Variants in KIAA1671 observed in about 807,000 individuals in gnomAD.
KIAA1671 encodes the protein KIAA1671.
In KIAA1671, 52 loss-of-function variants were observed where a neutral mutation model predicts 131.2. The ratio of observed to expected loss-of-function variants is 0.40; its 90% CI spans 0.32 to 0.50. KIAA1671 has a LOEUF of 0.50. KIAA1671 is among the 20% of genes least tolerant of loss of function. KIAA1671 has a pLI of 0.73. For missense variants in KIAA1671, 2,360 were observed against 2,364.2 expected, an observed-to-expected ratio of 1.00 and a Z score of 0.04; for synonymous variants, 1,003 against 961.6, an observed-to-expected ratio of 1.04 and a Z score of -0.80.
intron 6 of KIAA1671, among the ~76,000 whole-genome samples, chr22:25,068,070 G>A (rs977957060): frequency 7.2e-5 from 11 of 152,244 alleles, no homozygotes. Flanking sequence ...TGGCTATGCT[G>A]TCAGCTGGGG....
intron 6 of KIAA1671, among the ~76,000 whole-genome samples, chr22:25,113,755 A>G (rs149374263): frequency 1.3e-5 from 2 of 152,190 alleles, no homozygotes; most frequent in African/African-American, 2.4e-5. Flanking sequence ...GCCCAGAACA[A>G]ATTAGTGGGG....
chr22:25,079,340 C>G (rs1929280091), intron 6 of KIAA1671, among the ~76,000 whole-genome samples: 1 of 152,112 alleles, frequency 6.6e-6, no homozygotes, highest in African/African-American at 2.4e-5. Flanking sequence ...AATGATTCCC[C>G]TGCCTCCGCC....
In KIAA1671 at chr22:25,038,881, G is replaced by A; in HGVS notation, c.1751G>A (p.Ser584Asn). 6.4e-7 allele frequency: 1 copy of A among 1,551,794 alleles called. No homozygotes were observed. Among genetic ancestry groups the A allele is most frequent in the Non-Finnish European group, 8.7e-7 (1 of 1,147,022 alleles). Residue 584 changes from serine (S) to asparagine (N), a missense_variant, in exon 5 of 13, where the codon AGC becomes AAC. Ser to Asn is a conservative substitution (Grantham distance 46). Transcript: ENST00000358431. ...GTTAGCTCTAACCAAGACCCCGACA[G>A]CTGTCGCGGTGGAAGCTCAGTGGAG... is the stretch of plus-strand genomic sequence containing the variant. ...QKVSSNQDPD[S>N]CRGGSSVEAP...
intron 6 of KIAA1671, among the ~76,000 whole-genome samples, chr22:25,073,996 G>T (rs1425017272): frequency 6.6e-6 from 1 of 152,022 alleles, no homozygotes; most frequent in Non-Finnish European, 1.5e-5. Context: ...GCCCAGTCCT[G>T]CCCCATTTTG....
chr22:25,108,215 G>A (rs1192850507), intron 6 of KIAA1671, among the ~76,000 whole-genome samples: 1 of 152,152 alleles, frequency 6.6e-6, no homozygotes, highest in Non-Finnish European at 1.5e-5. Flanking sequence ...TCATTTTAAA[G>A]GTGTTTTACT....
Position 25,167,714 on chromosome 22 carries a change from T to C in KIAA1671, c.4531-3106T>C, listed in dbSNP as rs73407428. Among the ~76,000 whole-genome samples the C allele has an allele frequency of 9.0e-3, 1,365 of 152,338 alleles. 24 individuals carry two copies. Among genetic ancestry groups the C allele is most frequent in the African/African-American group, 0.031 (1,272 of 41,572 alleles). ...TTAAGAGTGGACAGCAGCTCTTATT[T>C]GGGTCTATGAGTGTAGCCATTTAGC... On this transcript the variant is annotated intron_variant, in intron 6 of 12. Coordinates refer to ENST00000358431, the MANE Select transcript of KIAA1671 (RefSeq NM_001145206.2).
At chr22:25,112,591 G>A (rs1931425070) in intron 6 of KIAA1671, 7 of 393,594 alleles carry the variant, frequency 1.8e-5, no homozygotes, top group East Asian at 7.2e-5. Context: ...GTCAGTCAAA[G>A]CCCAGGCACT....
In KIAA1671 at chr22:24,969,776, C is replaced by T. The variant is rs115063547; in HGVS notation, c.-208+17004C>T. Among the ~76,000 whole-genome samples the T allele has an allele frequency of 6.5e-3, 997 of 152,294 alleles. 9 individuals carry two copies. The highest frequency in any genetic ancestry group is 0.023 in the African/African-American group (943 of 41,560). ...TTATATTCCACCCTGGCTCTGTAAC[C>T]GCTTGGCTTTGTGACCGTAGGGAGA... On this transcript the variant is annotated intron_variant, in intron 1 of 12. Coordinates refer to ENST00000358431, the MANE Select transcript of KIAA1671 (RefSeq NM_001145206.2).
At chr22:24,955,388 T>A (rs1490469716) in intron 1 of KIAA1671, among the ~76,000 whole-genome samples, 1 of 152,198 alleles carries the variant, frequency 6.6e-6, no homozygotes, top group East Asian at 1.9e-4. Context: ...GAGGGGCTGA[T>A]GCCTTTGGCT....
rs1476215556 is a variant in KIAA1671 at position 25,056,422 on chromosome 22, C to T, written c.4530+7058C>T. Reference sequence around the variant, plus strand: ...CAGATGGCCTGGGTTTAAATCCCAACTCTGCTACTTACCAGCTATGTGACT... The same window carrying T: ...CAGATGGCCTGGGTTTAAATCCCAATTCTGCTACTTACCAGCTATGTGACT... On this transcript the variant is annotated intron_variant, in intron 6 of 12. Coordinates refer to ENST00000358431, the MANE Select transcript of KIAA1671 (RefSeq NM_001145206.2). 9 of 149,354 alleles carry T rather than the reference C, an allele frequency of 6.0e-5. 1 individual carries two copies. The highest frequency in any genetic ancestry group is 1.0e-4 in the Non-Finnish European group (7 of 67,112). 9.3% of individuals were successfully genotyped at this position (149,354 alleles called of 1,614,324 possible). A position where few individuals can be genotyped will look rare whatever the true frequency, so the allele number is the denominator to read the frequency against.
intron 6 of KIAA1671, chr22:25,051,410 T>C (rs1224838132): frequency 6.6e-6 from 1 of 152,234 alleles, no homozygotes; most frequent in African/African-American, 2.4e-5. Context: ...CAGTTTTTTC[T>C]TCTGTAAGAT....
intron 6 of KIAA1671, among the ~76,000 whole-genome samples, chr22:25,109,072 TG>T (rs1332112318): frequency 1.3e-5 from 2 of 152,184 alleles, no homozygotes; most frequent in East Asian, 3.9e-4. Context: ...GAAACCATGA[TG>T]CCTTTTATGA....
intron 6 of KIAA1671, among the ~76,000 whole-genome samples, chr22:25,077,254 C>T (rs534510133): frequency 6.6e-6 from 1 of 152,180 alleles, no homozygotes; most frequent in Non-Finnish European, 1.5e-5. Context: ...CACATCATGG[C>T]TGTGGGCATC....
At chr22:25,067,492 C>T (rs1382342090) in intron 6 of KIAA1671, among the ~76,000 whole-genome samples, 1 of 152,068 alleles carries the variant, frequency 6.6e-6, no homozygotes, top group Admixed American at 6.5e-5. Flanking sequence ...TCTCCTCTCC[C>T]TCCATGTCTC....
At chr22:25,093,149 C>T (rs973482005) in intron 6 of KIAA1671, among the ~76,000 whole-genome samples, 4 of 152,158 alleles carry the variant, frequency 2.6e-5, no homozygotes, top group African/African-American at 9.7e-5. Context: ...TCACACAAAC[C>T]CTACAAAGCA....
chr22:25,157,183 A>G (rs1019365561), intron 6 of KIAA1671, among the ~76,000 whole-genome samples: 3 of 152,238 alleles, frequency 2.0e-5, no homozygotes, highest in Non-Finnish European at 4.4e-5. Context: ...TGTACTTTTT[A>G]TATCACTAGC....
At chr22:24,998,728 A>G (rs1406205531) in intron 1 of KIAA1671, among the ~76,000 whole-genome samples, 1 of 151,546 alleles carries the variant, frequency 6.6e-6, no homozygotes, top group Non-Finnish European at 1.5e-5. Flanking sequence ...AAAAAAAAAA[A>G]AAAAAAAGAA....
At position 25,041,524 on chromosome 22, in the gene KIAA1671, A is replaced by C; in HGVS notation, c.4394A>C (p.Lys1465Thr). 4.6e-6 allele frequency: 7 copies of C among 1,531,050 alleles called. No homozygotes were observed. Among genetic ancestry groups the C allele is most frequent in the Non-Finnish European group, 5.3e-6 (6 of 1,138,908 alleles). 94.8% of individuals were successfully genotyped at this position (1,531,050 alleles called of 1,614,324 possible). The stretch of plus-strand genomic sequence containing the variant: ...GAGTCAGGGACTGGAGACAGTCACA[A>C]GGTAAGTACCGAGACACTTTTTAAT... ...WWESGTGDSH[K>T]VLPRDLEKED... The change falls in exon 5 of 13, where the codon AAG (lysine) becomes ACG (threonine). Residue 1465 changes from lysine (K) to threonine (T), a missense_variant and splice_region_variant. Around this residue, in one of 3 missense-constraint regions of KIAA1671, gnomAD observed 1,161 missense variants for 1,204.7 expected, o/e 0.96. Coordinates refer to ENST00000358431, the MANE Select transcript of KIAA1671 (RefSeq NM_001145206.2).
At chr22:25,172,018 G>A (rs993062897) in intron 7 of KIAA1671, among the ~76,000 whole-genome samples, 6 of 152,162 alleles carry the variant, frequency 3.9e-5, no homozygotes, top group African/African-American at 2.4e-5. Context: ...AAATGGATAA[G>A]AAAAAGTAAA....
Sources: allele counts gnomAD v4.1 joint callset (sites outside exome capture counted in the v4.1 genomes callset), GRCh38; gene constraint gnomAD v4.1.1; regional missense constraint gnomAD v4.1.1; transcripts MANE v1.5; gene names NCBI Gene and HGNC (gene_info 2026-07-23, HGNC 2026-07-21).